The following SIRPB1 variants were observed in gnomAD, a reference collection of about 807,000 sequenced individuals.
The protein encoded by SIRPB1 is signal regulatory protein beta 1, also known as signal-regulatory protein beta-1.
In SIRPB1, 28 loss-of-function variants were observed where a neutral mutation model predicts 34.1. The ratio of observed to expected loss-of-function variants is 0.82; its 90% CI spans 0.61 to 1.12. The LOEUF (loss-of-function observed/expected upper bound fraction) is 1.12. Among genes scored for constraint, SIRPB1 ranks in the 50% most tolerant of loss-of-function variants. The pLI is 0.00. For synonymous variants in SIRPB1, 211 were observed against 203.8 expected, an observed-to-expected ratio of 1.04 and a Z score of -0.30; for missense variants, 499 against 507.0, an observed-to-expected ratio of 0.98 and a Z score of 0.15.
chr20:1,614,512 C>T (rs966890338), intron 1 of SIRPB1, among the ~76,000 whole-genome samples: 9 of 151,906 alleles, frequency 5.9e-5, no homozygotes, highest in Non-Finnish European at 4.4e-5. Flanking sequence ...TGCTTGTGTC[C>T]TCCACCTTGA....
rs2091356981 is a variant in SIRPB1, at chr20:1,578,671, G to A, written c.100C>T (p.Gln34Ter). ...LTGVAGEDEL[Q>*]VIQPEKSVSV... ...ACGGACTTTTCAGGCTGAATCACCTGTAGCTCGTCCTCACCTGCCACTCCT... is the reference window on the plus strand; with the variant it reads ...ACGGACTTTTCAGGCTGAATCACCTATAGCTCGTCCTCACCTGCCACTCCT... The change falls in exon 2 of 6, where the codon CAG becomes TAG. Residue 34 changes from glutamine (Q) to a stop codon, truncating the protein, a stop_gained. Coordinates refer to ENST00000381605, the MANE Select transcript of SIRPB1 (RefSeq NM_006065.5). LOFTEE classifies it high-confidence loss of function. 6.3e-7 allele frequency: 1 copy of A among 1,583,362 alleles called. No individual in the cohort carries two copies. Among genetic ancestry groups the A allele is most frequent in the African/African-American group, 1.4e-5 (1 of 73,884 alleles).
chr20:1,566,548 C>A (rs1318891535), intron 4 of SIRPB1, among the ~76,000 whole-genome samples: 1 of 152,132 alleles, frequency 6.6e-6, no homozygotes, highest in Non-Finnish European at 1.5e-5. Flanking sequence ...CAACTGGGTT[C>A]CTCACTTGAT....
intron 4 of SIRPB1, among the ~76,000 whole-genome samples, chr20:1,566,672 A>C (rs887679031): frequency 6.6e-6 from 1 of 152,168 alleles, no homozygotes; most frequent in African/African-American, 2.4e-5. Context: ...GAAGCCCATC[A>C]TTATGTCCCC....
At position 1,570,622 on chromosome 20, in the gene SIRPB1, C is replaced by T. The variant is rs1002531189; in HGVS notation, c.1084+183G>A. The T allele has an allele frequency of 7.1e-6, 4 of 560,174 alleles. No homozygotes were observed. In the East Asian group the frequency reaches 1.2e-4, roughly 17 times the overall value. 34.7% of individuals were successfully genotyped at this position (560,174 alleles called of 1,614,324 possible). On this transcript the variant is annotated intron_variant, in intron 4 of 5. Coordinates refer to ENST00000381605, the MANE Select transcript of SIRPB1 (RefSeq NM_006065.5). ...GGTAGATGGGGCTTAAGGGTGTCTA[C>T]AAATGGCCAATTGTTACCTTGAACC...
intron 1 of SIRPB1, among the ~76,000 whole-genome samples, chr20:1,580,008 A>G (rs1484206167): frequency 6.7e-6 from 1 of 148,616 alleles, no homozygotes; most frequent in African/African-American, 2.4e-5. Context: ...TTGACATACA[A>G]CACATGCAGC....
chr20:1,571,169 T>A lies in SIRPB1; in HGVS notation c.752-32A>T, dbSNP rs138772788. 232 of 1,588,916 alleles carry A rather than the reference T, an allele frequency of 1.5e-4. 1 individual carries two copies. In the East Asian group the frequency reaches 4.9e-3, roughly 34 times the overall value. ...CAGCACAGGGCAGAAGCTCTGATCT[T>A]GTGGCACAGACAGATCACAGGGAGG... On this transcript the variant is annotated intron_variant, in intron 3 of 5. Coordinates refer to ENST00000381605, the MANE Select transcript of SIRPB1 (RefSeq NM_006065.5).
chr20:1,563,851 C>A lies in SIRPB1; in HGVS notation c.*1649G>T. The A allele has an allele frequency of 1.3e-5, 2 of 152,546 alleles. No homozygotes were observed. The highest frequency in any genetic ancestry group is 3.9e-4 in the South Asian group (2 of 5,158). 9.4% of individuals were successfully genotyped at this position (152,546 alleles called of 1,614,324 possible). A position where few individuals can be genotyped will look rare whatever the true frequency, so the allele number is the denominator to read the frequency against. ...ATCACAAGAACAGCAAGGGGGAAGTCCGCCCCCATGATTCAGTCACCTCCT... is the reference window on the plus strand; with the variant it reads ...ATCACAAGAACAGCAAGGGGGAAGTACGCCCCCATGATTCAGTCACCTCCT... On this transcript the variant is annotated 3_prime_UTR_variant, in exon 6 of 6. Coordinates refer to ENST00000381605, the MANE Select transcript of SIRPB1 (RefSeq NM_006065.5).
At position 1,591,214 on chromosome 20, in the gene SIRPB1, G is replaced by A. The variant is rs1178407322; in HGVS notation, c.77-12520C>T. On this transcript the variant is annotated intron_variant, in intron 1 of 5. Coordinates refer to ENST00000381605, the MANE Select transcript of SIRPB1 (RefSeq NM_006065.5). ...TATAAGTAGTAAGTTATTGGGTTGG[G>A]GGATCATGTGGGGAAATCCCTTAGG... 8.2e-5 allele frequency among the ~76,000 whole-genome samples: 4 copies of A among 48,658 alleles called. 2 individuals carry two copies. Among genetic ancestry groups the A allele is most frequent in the Non-Finnish European group, 1.6e-4 (4 of 25,334 alleles). 31.9% of individuals were successfully genotyped at this position (48,658 alleles called of 152,430 possible).
intron 1 of SIRPB1, among the ~76,000 whole-genome samples, chr20:1,617,683 A>C (rs948408144): frequency 1.3e-5 from 2 of 152,198 alleles, no homozygotes; most frequent in African/African-American, 4.8e-5. Flanking sequence ...AGATTTTGAG[A>C]GATCTCACCA....
Position 1,583,428 on chromosome 20 carries a change from G to A in SIRPB1, c.77-4734C>T, listed in dbSNP as rs2091408240. Among the ~76,000 whole-genome samples the A allele has an allele frequency of 4.1e-5, 2 of 48,604 alleles. 1 individual carries two copies. Among genetic ancestry groups the A allele is most frequent in the East Asian group, 1.2e-3 (2 of 1,714 alleles). The allele number at this position is 48,604 out of a possible 152,430, so 31.9% of individuals were successfully genotyped here. On this transcript the variant is annotated intron_variant, in intron 1 of 5. Transcript: ENST00000381605. ...TGATTTCCTACAGTATCTGGCACAC[G>A]GTGGGTATTCAAAAATTGTAAAGTG... is the stretch of plus-strand genomic sequence containing the variant.
Position 1,610,846 on chromosome 20 carries a change from T to C in SIRPB1, c.76+9023A>G, listed in dbSNP as rs1465436809. 4.1e-5 allele frequency among the ~76,000 whole-genome samples: 3 copies of C among 72,850 alleles called. 1 individual carries two copies. The highest frequency in any genetic ancestry group is 7.8e-5 in the Non-Finnish European group (3 of 38,704). 47.8% of individuals were successfully genotyped at this position (72,850 alleles called of 152,430 possible). On this transcript the variant is annotated intron_variant, in intron 1 of 5. Transcript: ENST00000381605. ...CATGAGCTGGACAGATTTCTCCTCA[T>C]TAGAAGGGAAGAGAATGTAAGCTTG...
chr20:1,601,962 A>G (rs2091478578), intron 1 of SIRPB1, among the ~76,000 whole-genome samples: 1 of 48,666 alleles, frequency 2.1e-5, no homozygotes, highest in South Asian at 7.5e-4. Context: ...AAAATGACAC[A>G]GAAAAGAGAA....
chr20:1,599,705 A>G lies in SIRPB1; in HGVS notation c.76+20164T>C. 4.1e-5 allele frequency among the ~76,000 whole-genome samples: 2 copies of G among 49,112 alleles called. 1 individual carries two copies. The highest frequency in any genetic ancestry group is 2.7e-4 in the Admixed American group (2 of 7,384). 32.2% of individuals were successfully genotyped at this position (49,112 alleles called of 152,430 possible). Reference sequence around the variant, plus strand: ...AGCCTCCAGACTTTCATCCACCAGGAGGGCATATGGAAAGCATGCCCCCTT... The same window carrying G: ...AGCCTCCAGACTTTCATCCACCAGGGGGGCATATGGAAAGCATGCCCCCTT... On this transcript the variant is annotated intron_variant, in intron 1 of 5. Transcript: ENST00000381605.
intron 4 of SIRPB1, among the ~76,000 whole-genome samples, chr20:1,569,688 C>G (rs16995310): frequency 2.6e-5 from 4 of 152,220 alleles, no homozygotes; most frequent in African/African-American, 7.2e-5. Flanking sequence ...AGCCTCAGGG[C>G]AGAAAGAATA....
At position 1,562,317 on chromosome 20, in the gene SIRPB1, T is replaced by C. The variant is rs2091088699; in HGVS notation, c.*3183A>G. Among the ~76,000 whole-genome samples the C allele has an allele frequency of 6.6e-6, 1 of 152,186 alleles. No homozygotes were observed. The highest frequency in any genetic ancestry group is 1.5e-5 in the Non-Finnish European group (1 of 68,040). ...GATCAAATGAAGAGAAGTTTTCTTT[T>C]GAAATCCAACACCTAGTAGAAACCA... is the stretch of plus-strand genomic sequence containing the variant. On this transcript the variant is annotated 3_prime_UTR_variant, in exon 6 of 6. Transcript: ENST00000381605.
intron 2 of SIRPB1, among the ~76,000 whole-genome samples, chr20:1,577,421 C>T (rs573054798): frequency 6.8e-6 from 1 of 147,928 alleles, no homozygotes; most frequent in East Asian, 1.9e-4. Context: ...GCTGGATGGT[C>T]TGAAGGTCCT....
chr20:1,593,658 A>G (rs568115302), intron 1 of SIRPB1, among the ~76,000 whole-genome samples: 1 of 48,872 alleles, frequency 2.0e-5, no homozygotes, highest in Admixed American at 1.4e-4. Flanking sequence ...GCTGATTTTA[A>G]TAGGTGTCTT....
At chr20:1,574,592 T>C (rs2091286847) in intron 2 of SIRPB1, among the ~76,000 whole-genome samples, 1 of 143,572 alleles carries the variant, frequency 7.0e-6, no homozygotes, top group African/African-American at 2.5e-5. Context: ...TGAAAGCCAC[T>C]GGACTCCAAC....
In SIRPB1 at chr20:1,563,062, A is replaced by C. The variant is rs985785238; in HGVS notation, c.*2438T>G. 6.6e-6 allele frequency among the ~76,000 whole-genome samples: 1 copy of C among 152,228 alleles called. No individual in the cohort carries two copies. Among genetic ancestry groups the C allele is most frequent in the Non-Finnish European group, 1.5e-5 (1 of 68,036 alleles). ...GTAATAAAAGGGCTGAAGATGTCCCAAAGGTTGAAATGCCAGCAAAAAACT... is the reference window on the plus strand; with the variant it reads ...GTAATAAAAGGGCTGAAGATGTCCCCAAGGTTGAAATGCCAGCAAAAAACT... On this transcript the variant is annotated 3_prime_UTR_variant, in exon 6 of 6. Transcript: ENST00000381605.
Sources: allele counts gnomAD v4.1 joint callset (sites outside exome capture counted in the v4.1 genomes callset), GRCh38; gene constraint gnomAD v4.1.1; transcripts MANE v1.5; gene names NCBI Gene and HGNC (gene_info 2026-07-23, HGNC 2026-07-21).